The following CTSK variants were observed in gnomAD, a reference collection of about 807,000 sequenced individuals.
CTSK encodes cathepsin O.
In CTSK, 26 loss-of-function variants were observed where a neutral mutation model predicts 40.5. That is an observed-to-expected ratio of 0.64 (90% CI 0.47 to 0.89). The LOEUF is 0.89. CTSK is among the 40% of genes least tolerant of loss of function. CTSK has a pLI of 0.00. For synonymous variants in CTSK, 132 were observed against 143.2 expected, an observed-to-expected ratio of 0.92 and a Z score of 0.56; for missense variants, 292 against 400.1, an observed-to-expected ratio of 0.73 and a Z score of 2.30.
chr1:150,799,618 C>G lies in CTSK; in HGVS notation c.710G>C (p.Arg237Thr). ...IPEGNEKALK[R>T]AVARVGPVSV... ...GACAGGTCCCACTCGGGCCACTGCC[C>G]TCTTCAGGGCTTTCTCATTCCCCTC... Residue 237 changes from arginine (R) to threonine (T), a missense_variant, in exon 6 of 8, where the codon AGG (arginine) becomes ACG (threonine). Coordinates refer to ENST00000271651, the MANE Select transcript of CTSK (RefSeq NM_000396.4). The G allele has an allele frequency of 6.2e-7, 1 of 1,614,206 alleles. No individual in the cohort carries two copies. Among genetic ancestry groups the G allele is most frequent in the Non-Finnish European group, 8.5e-7 (1 of 1,180,038 alleles).
At chr1:150,798,328 G>A (rs1653914005) in intron 7 of CTSK, among the ~76,000 whole-genome samples, 1 of 152,128 alleles carries the variant, frequency 6.6e-6, no homozygotes, top group South Asian at 2.1e-4. Context: ...AAACCTTTAC[G>A]CTGTTCCCCT....
chr1:150,804,120 C>G lies in CTSK; in HGVS notation c.519G>C (p.Glu173Asp), dbSNP rs201315936. ...SPQNLVDCVSENDGCGGGYMT... is the reference protein window; with the variant it reads ...SPQNLVDCVSDNDGCGGGYMT... ...TGTAGCCCCCTCCACAGCCATCATT[C>G]TCAGACACACAATCCACTAGGTTCT... Residue 173 changes from glutamate to aspartate, a missense_variant, in exon 5 of 8, where the codon GAG becomes GAC. Physicochemically the swap from Glu to Asp is conservative, Grantham distance 45. Coordinates refer to ENST00000271651, the MANE Select transcript of CTSK (RefSeq NM_000396.4). 122 of 1,614,074 alleles carry G rather than the reference C, an allele frequency of 7.6e-5. 3 individuals carry two copies. In the South Asian group the frequency reaches 1.3e-3, roughly 17 times the overall value.
At chr1:150,802,242 C>A (rs1439424996) in intron 5 of CTSK, among the ~76,000 whole-genome samples, 1 of 144,518 alleles carries the variant, frequency 6.9e-6, no homozygotes, top group African/African-American at 2.6e-5. Context: ...CGCGCCACTG[C>A]ACTCAAGCCT....
At position 150,807,078 on chromosome 1, in the gene CTSK, T is replaced by TCACACACACACACACA. The variant is rs779217637; in HGVS notation, c.-1-273_-1-272insTGTGTGTGTGTGTGTG. 2.3e-3 allele frequency among the ~76,000 whole-genome samples: 283 copies of TCACACACACACACACA among 120,574 alleles called. 2 individuals carry two copies. Among genetic ancestry groups the TCACACACACACACACA allele is most frequent in the Middle Eastern group, 3.9e-3 (1 of 258 alleles). 79.1% of individuals were successfully genotyped at this position (120,574 alleles called of 152,430 possible). A position where few individuals can be genotyped will look rare whatever the true frequency, so the allele number is the denominator to read the frequency against. ...CTGTTTCTCTCTCTGTCTCTCTCTCTCTCACACACACACACACACACACAC... is the reference window on the plus strand; with the variant it reads ...CTGTTTCTCTCTCTGTCTCTCTCTCTCACACACACACACACACTCACACACACACACACACACACAC... On this transcript the variant is annotated intron_variant, in intron 1 of 7. Coordinates refer to ENST00000271651, the MANE Select transcript of CTSK (RefSeq NM_000396.4).
intron 7 of CTSK, 74 bp from the exon 8 acceptor site, chr1:150,796,972 G>A (rs974137214): frequency 1.1e-5 from 11 of 1,041,792 alleles, no homozygotes; most frequent in African/African-American, 1.6e-5. Flanking sequence ...TGAGTATTGT[G>A]CGAGGTACTG....
chr1:150,808,104 C>T (rs587751288), intron 1 of CTSK, 110 bp downstream of exon 1: 1 of 152,328 alleles, frequency 6.6e-6, no homozygotes, highest in African/African-American at 2.4e-5. Flanking sequence ...TCTCTGTTTT[C>T]ATCTGCAGAG....
chr1:150,803,951 T>C, intron 5 of CTSK, 70 bp downstream of exon 5: 1 of 1,266,186 alleles, frequency 7.9e-7, no homozygotes, highest in Non-Finnish European at 1.2e-6. Context: ...TGGAATTGTT[T>C]CCAGTACAAA....
intron 4 of CTSK, 86 bp downstream of exon 4, chr1:150,805,775 T>C: frequency 7.2e-7 from 1 of 1,382,486 alleles, no homozygotes. Context: ...CTTTTCCTGG[T>C]GCCCTTTCAC....
chr1:150,807,379 TC>T (rs2101955071), intron 1 of CTSK: 1 of 471,248 alleles, frequency 2.1e-6, no homozygotes, highest in African/African-American at 2.0e-5. Flanking sequence ...GGACAATGTT[TC>T]CTGTTTTCTG....
In CTSK at chr1:150,806,682, G is replaced by T; in HGVS notation, c.120+4C>A. ...TGCCATGCCCCCTCCAGGACCCCAG[G>T]CACCTTGTTGTTATATTGCTTCCTG... On this transcript the variant is annotated splice_donor_region_variant and intron_variant, in intron 2 of 7. Coordinates refer to ENST00000271651, the MANE Select transcript of CTSK (RefSeq NM_000396.4). 1 of 1,613,886 alleles carries T rather than the reference G, an allele frequency of 6.2e-7. No homozygotes were observed. The highest frequency in any genetic ancestry group is 8.5e-7 in the Non-Finnish European group (1 of 1,180,014).
In CTSK at chr1:150,800,288, G is replaced by C. The variant is rs187082575; in HGVS notation, c.619-579C>G. ...TTCTGAAATAAGATTTTTTTAAAAA[G>C]CATAAACCATCTTCTGGCCACATAG... On this transcript the variant is annotated intron_variant, in intron 5 of 7. Coordinates refer to ENST00000271651, the MANE Select transcript of CTSK (RefSeq NM_000396.4). Among the ~76,000 whole-genome samples the C allele has an allele frequency of 2.0e-5, 3 of 150,484 alleles. No individual in the cohort carries two copies. In the East Asian group the frequency reaches 5.9e-4, roughly 29 times the overall value.
rs375848577 is a variant in CTSK, at chr1:150,799,138, G to A, written c.890+30C>T. On this transcript the variant is annotated intron_variant, in intron 7 of 7. Coordinates refer to ENST00000271651, the MANE Select transcript of CTSK (RefSeq NM_000396.4). ...GAGGTTGAGTGTTAAAAGGGTGACTGAATAACAAAAGTAGTGTTCCCATCA... is the reference window on the plus strand; with the variant it reads ...GAGGTTGAGTGTTAAAAGGGTGACTAAATAACAAAAGTAGTGTTCCCATCA... The A allele has an allele frequency of 4.2e-6, 6 of 1,417,202 alleles. No homozygotes were observed. The African/African-American group carries it at 7.0e-5, about 17-fold the overall frequency. 87.8% of individuals were successfully genotyped at this position (1,417,202 alleles called of 1,614,324 possible). A position where few individuals can be genotyped will look rare whatever the true frequency, so the allele number is the denominator to read the frequency against.
chr1:150,803,891 G>T, intron 5 of CTSK, 130 bp downstream of exon 5: 1 of 878,628 alleles, frequency 1.1e-6, no homozygotes, highest in Non-Finnish European at 1.9e-6. Context: ...CCTTCTGTGG[G>T]AAATTATTCC....
At chr1:150,806,611 A>G in intron 2 of CTSK, 75 bp downstream of exon 2, 1 of 1,591,646 alleles carries the variant, frequency 6.3e-7, no homozygotes, top group East Asian at 2.2e-5. Context: ...GGATTGAAGA[A>G]GGGAGTCTGG....
chr1:150,799,262 C>A lies in CTSK; in HGVS notation c.796G>T (p.Asp266Tyr), dbSNP rs1332783199. Residue 266 changes from aspartate to tyrosine, a missense_variant, in exon 7 of 8, where the codon GAT (aspartate) becomes TAT (tyrosine). Coordinates refer to ENST00000271651, the MANE Select transcript of CTSK (RefSeq NM_000396.4). Reference protein sequence around the residue: ...FQFYSKGVYYDESCNSDNLNH... With the variant: ...FQFYSKGVYYYESCNSDNLNH... ...AGATTATCGCTATTGCAGCTTTCAT[C>A]ATAATACACACCTAGAATACAAACT... 1.2e-6 allele frequency: 2 copies of A among 1,609,656 alleles called. No homozygotes were observed. Among genetic ancestry groups the A allele is most frequent in the Admixed American group, 1.7e-5 (1 of 59,994 alleles).
At chr1:150,801,471 C>G (rs960604626) in intron 5 of CTSK, among the ~76,000 whole-genome samples, 1 of 151,584 alleles carries the variant, frequency 6.6e-6, no homozygotes, top group Non-Finnish European at 1.5e-5. Context: ...CATTCATAAA[C>G]GAATAAAACA....
Position 150,807,080 on chromosome 1 carries a change from TCACACACACACA to T in CTSK, c.-1-286_-1-275del, listed in dbSNP as rs1171180978. Among the ~76,000 whole-genome samples, 6,299 of 69,672 alleles carry T rather than the reference TCACACACACACA, an allele frequency of 0.09. 499 individuals carry two copies. Among genetic ancestry groups the T allele is most frequent in the African/African-American group, 0.22 (5,914 of 26,798 alleles). 45.7% of individuals were successfully genotyped at this position (69,672 alleles called of 152,430 possible). A position where few individuals can be genotyped will look rare whatever the true frequency, so the allele number is the denominator to read the frequency against. On this transcript the variant is annotated intron_variant, in intron 1 of 7. Transcript: ENST00000271651. Reference sequence around the variant, plus strand: ...GTTTCTCTCTCTGTCTCTCTCTCTCTCACACACACACACACACACACACACACACACACACAC... The same window carrying T: ...GTTTCTCTCTCTGTCTCTCTCTCTCTCACACACACACACACACACACACAC...
chr1:150,799,655 T>C lies in CTSK; in HGVS notation c.673A>G (p.Arg225Gly). Reference protein sequence around the residue: ...TGKAAKCRGYREIPEGNEKAL... With the variant: ...TGKAAKCRGYGEIPEGNEKAL... Reference sequence around the variant, plus strand: ...TTCTCATTCCCCTCGGGGATCTCTCTGTACCCTCTGCATTTAGCTGCCTTG... The same window carrying C: ...TTCTCATTCCCCTCGGGGATCTCTCCGTACCCTCTGCATTTAGCTGCCTTG... The change falls in exon 6 of 8, where the codon AGA becomes GGA. Residue 225 changes from arginine to glycine, a missense_variant. Arg to Gly is a moderately radical substitution (Grantham distance 125). Transcript: ENST00000271651. 6.2e-7 allele frequency: 1 copy of C among 1,614,196 alleles called. No individual in the cohort carries two copies. The highest frequency in any genetic ancestry group is 8.5e-7 in the Non-Finnish European group (1 of 1,180,026).
At chr1:150,799,784 A>G (rs1653951058) in intron 5 of CTSK, 75 bp from the exon 6 acceptor site, 9 of 1,380,566 alleles carry the variant, frequency 6.5e-6, no homozygotes, top group Non-Finnish European at 9.2e-6. Context: ...AACTCAACCA[A>G]TATTTTGAGT....
Sources: allele counts gnomAD v4.1 joint callset (sites outside exome capture counted in the v4.1 genomes callset), GRCh38; gene constraint gnomAD v4.1.1; transcripts MANE v1.5; gene names NCBI Gene and HGNC (gene_info 2026-07-23, HGNC 2026-07-21).